The following DCC variants were observed in gnomAD, a reference collection of about 807,000 sequenced individuals.
DCC encodes the protein DCC netrin 1 receptor, also known as netrin receptor DCC.
Under a neutral mutation model 172.5 loss-of-function variants are expected in DCC, and 58 were observed. The observed-to-expected ratio is 0.34, with a 90% CI of 0.27 to 0.42. The LOEUF (loss-of-function observed/expected upper bound fraction) is 0.42. DCC is among the 10% of genes least tolerant of loss of function. The pLI, the probability that DCC is intolerant of heterozygous loss-of-function variation, is 1.00. For missense variants in DCC, 1,740 were observed against 1,791.0 expected (o/e 0.97, Z 0.51); for synonymous variants, 709 against 644.5 (o/e 1.10, Z -1.52).
intron 1 of DCC, among the ~76,000 whole-genome samples, chr18:52,580,768 T>G (rs1047613488): frequency 3.3e-5 from 5 of 152,146 alleles, no homozygotes. Context: ...TTAAGTGACA[T>G]GAGGAATATC....
chr18:52,814,761 C>A (rs1407367793), intron 2 of DCC, among the ~76,000 whole-genome samples: 2 of 151,992 alleles, frequency 1.3e-5, no homozygotes, highest in Non-Finnish European at 2.9e-5. Context: ...ATGGGAAATG[C>A]ATAGATTTTT....
At chr18:52,490,718 G>A (rs1286679987) in intron 1 of DCC, among the ~76,000 whole-genome samples, 1 of 152,040 alleles carries the variant, frequency 6.6e-6, no homozygotes, top group African/African-American at 2.4e-5. Context: ...CTTGAAGTTG[G>A]GCATCATTGG....
intron 1 of DCC, among the ~76,000 whole-genome samples, chr18:52,602,718 C>T (rs2034043581): frequency 6.6e-6 from 1 of 151,850 alleles, no homozygotes; most frequent in African/African-American, 2.4e-5. Context: ...AATACTCTAG[C>T]AAACGAGATT....
chr18:53,009,476 G>A (rs1037979157), intron 5 of DCC, among the ~76,000 whole-genome samples: 3 of 151,818 alleles, frequency 2.0e-5, no homozygotes, highest in Admixed American at 6.6e-5. Flanking sequence ...TGGTGTCAGT[G>A]GTTCTAGATT....
chr18:53,083,765 C>A (rs2042838434), intron 7 of DCC, among the ~76,000 whole-genome samples: 1 of 152,084 alleles, frequency 6.6e-6, no homozygotes, highest in South Asian at 2.1e-4. Context: ...TATCAAATTT[C>A]CTTACTATGT....
At chr18:53,478,396 C>A (rs544486414) in intron 25 of DCC, among the ~76,000 whole-genome samples, 101 of 152,210 alleles carry the variant, frequency 6.6e-4, no homozygotes, top group Non-Finnish European at 1.2e-3. Flanking sequence ...AACCCATTTT[C>A]TTCTTTTGTA....
chr18:53,302,880 C>T (rs1490407774), intron 12 of DCC, among the ~76,000 whole-genome samples: 2 of 152,086 alleles, frequency 1.3e-5, no homozygotes, highest in African/African-American at 4.8e-5. Context: ...ATTCTGGAAA[C>T]TTGTGGATCC....
intron 20 of DCC, among the ~76,000 whole-genome samples, chr18:53,412,517 C>A (rs1910042073): frequency 6.6e-6 from 1 of 151,794 alleles, no homozygotes; most frequent in Non-Finnish European, 1.5e-5. Flanking sequence ...AAGATAAAAT[C>A]ATGCTATTGC....
chr18:52,458,314 T>C (rs1321365511), intron 1 of DCC, among the ~76,000 whole-genome samples: 1 of 152,054 alleles, frequency 6.6e-6, no homozygotes, highest in East Asian at 1.9e-4. Flanking sequence ...TGAGCCAGGG[T>C]CACTGACCAC....
intron 2 of DCC, among the ~76,000 whole-genome samples, chr18:52,849,031 T>C (rs1026749270): frequency 1.3e-5 from 2 of 152,186 alleles, no homozygotes; most frequent in African/African-American, 4.8e-5. Context: ...AACACTATTA[T>C]TGTATTTTCT....
At chr18:53,171,381 T>G (rs193164178) in intron 8 of DCC, among the ~76,000 whole-genome samples, 165 of 152,298 alleles carry the variant, frequency 1.1e-3, no homozygotes, top group African/African-American at 3.9e-3. Context: ...GAGGTGTATT[T>G]ACATAGCAAG....
rs562417707 is a variant in DCC at position 52,810,882 on chromosome 18, C to A, written c.412+58508C>A. On this transcript the variant is annotated intron_variant, in intron 2 of 28. Coordinates refer to ENST00000442544, the MANE Select transcript of DCC (RefSeq NM_005215.4). Reference sequence around the variant, plus strand: ...GAGGTAGGGTTTCACTGGGGGCCCACCCCAGTCTGCCTAGGTATTTGGCTG... The same window carrying A: ...GAGGTAGGGTTTCACTGGGGGCCCAACCCAGTCTGCCTAGGTATTTGGCTG... Among the ~76,000 whole-genome samples, 12 of 152,178 alleles carry A rather than the reference C, an allele frequency of 7.9e-5. No homozygotes were observed. The South Asian group carries it at 2.5e-3, about 32-fold the overall frequency.
At chr18:52,890,942 T>A (rs117858425) in intron 2 of DCC, among the ~76,000 whole-genome samples, 6,815 of 152,156 alleles carry the variant, frequency 0.045, 197 homozygotes, top group Non-Finnish European at 0.062. Context: ...CTTCTCTTCC[T>A]TGAAAAGCGG....
At chr18:53,129,506 T>A (rs921614958) in intron 7 of DCC, among the ~76,000 whole-genome samples, 1 of 152,140 alleles carries the variant, frequency 6.6e-6, no homozygotes, top group Non-Finnish European at 1.5e-5. Flanking sequence ...CATATACACA[T>A]ACACCATTGT....
At chr18:53,291,971 C>G (rs900555120) in intron 12 of DCC, among the ~76,000 whole-genome samples, 1 of 152,098 alleles carries the variant, frequency 6.6e-6, no homozygotes, top group Non-Finnish European at 1.5e-5. Flanking sequence ...CTAGAAGAAA[C>G]AAGCCTGGCT....
chr18:52,866,320 T>A (rs1231176654), intron 2 of DCC, among the ~76,000 whole-genome samples: 1 of 152,222 alleles, frequency 6.6e-6, no homozygotes, highest in East Asian at 1.9e-4. Context: ...TCAAGTCAGG[T>A]AGCATGATGT....
intron 5 of DCC, among the ~76,000 whole-genome samples, chr18:52,962,598 T>C (rs1194965547): frequency 6.6e-6 from 1 of 151,920 alleles, no homozygotes; most frequent in African/African-American, 2.4e-5. Flanking sequence ...AGCCATCCCA[T>C]TACTGGGTAT....
chr18:52,502,868 TA>T (rs2031085023), intron 1 of DCC, among the ~76,000 whole-genome samples: 1 of 152,224 alleles, frequency 6.6e-6, no homozygotes, highest in Non-Finnish European at 1.5e-5. Context: ...AATTTCCAAA[TA>T]TACCAAAACA....
intron 5 of DCC, among the ~76,000 whole-genome samples, chr18:53,005,887 A>G (rs2143859761): frequency 1.3e-5 from 2 of 152,268 alleles, no homozygotes; most frequent in Admixed American, 1.3e-4. Flanking sequence ...GTCTTCCCTC[A>G]TTAACAAAGC....
Sources: allele counts gnomAD v4.1 joint callset (sites outside exome capture counted in the v4.1 genomes callset), GRCh38; gene constraint gnomAD v4.1.1; transcripts MANE v1.5; gene names NCBI Gene and HGNC (gene_info 2026-07-23, HGNC 2026-07-21).